The following SLC25A13 variants were observed in gnomAD, a reference collection of about 807,000 sequenced individuals.
The protein encoded by SLC25A13 is solute carrier family 25 member 13, also known as electrogenic aspartate/glutamate antiporter SLC25A13, mitochondrial.
Under a neutral mutation model 85.5 loss-of-function variants are expected in SLC25A13, and 70 were observed. That is an observed-to-expected ratio of 0.82 (90% confidence interval 0.68 to 1.00). The LOEUF is 1.00. SLC25A13 is among the 50% of genes least tolerant of loss of function. The pLI is 0.00. For synonymous variants in SLC25A13, 259 were observed against 288.7 expected (o/e 0.90, Z 1.04); for missense variants, 765 against 819.8 (o/e 0.93, Z 0.82).
intron 3 of SLC25A13, among the ~76,000 whole-genome samples, chr7:96,273,974 C>T (rs1798345437): frequency 6.6e-6 from 1 of 152,174 alleles, no homozygotes; most frequent in Non-Finnish European, 1.5e-5. Context: ...TTTTCCTGCA[C>T]CACCCTGCTC....
At chr7:96,287,996 C>G (rs1032545531) in intron 2 of SLC25A13, among the ~76,000 whole-genome samples, 4 of 152,224 alleles carry the variant, frequency 2.6e-5, no homozygotes, top group South Asian at 2.1e-4. Flanking sequence ...AAGACCTTCT[C>G]TGGTTCTCTC....
At chr7:96,278,460 A>G (rs1449955515) in intron 2 of SLC25A13, among the ~76,000 whole-genome samples, 2 of 152,234 alleles carry the variant, frequency 1.3e-5, no homozygotes, top group East Asian at 1.9e-4. Context: ...CTTTGCTCAG[A>G]TACTCAGTAG....
intron 11 of SLC25A13, among the ~76,000 whole-genome samples, chr7:96,182,315 T>C (rs1794447757): frequency 6.6e-6 from 1 of 152,242 alleles, no homozygotes; most frequent in African/African-American, 2.4e-5. Context: ...TGTTTTAAAA[T>C]GGTTTACCAG....
At chr7:96,316,561 T>C (rs1441500176) in intron 1 of SLC25A13, among the ~76,000 whole-genome samples, 1 of 152,144 alleles carries the variant, frequency 6.6e-6, no homozygotes, top group Non-Finnish European at 1.5e-5. Flanking sequence ...TGAAGACACA[T>C]TGGCAAGGTT....
chr7:96,192,888 C>G, intron 6 of SLC25A13, 149 bp downstream of exon 6: 1 of 875,812 alleles, frequency 1.1e-6, no homozygotes, highest in Admixed American at 2.3e-5. Context: ...CCAAAACACA[C>G]TCTTTGTTTG....
intron 5 of SLC25A13, among the ~76,000 whole-genome samples, chr7:96,202,620 G>C (rs6465490): frequency 6.6e-6 from 1 of 152,156 alleles, no homozygotes; most frequent in Admixed American, 6.5e-5. Context: ...ATTTCCTGGC[G>C]ACATAAAGTG....
chr7:96,318,071 G>T (rs1290715423), intron 1 of SLC25A13, among the ~76,000 whole-genome samples: 1 of 152,104 alleles, frequency 6.6e-6, no homozygotes, highest in Non-Finnish European at 1.5e-5. Flanking sequence ...ATCCAAGAAT[G>T]AAAAGTCAAT....
At chr7:96,298,211 T>C (rs1363728923) in intron 1 of SLC25A13, among the ~76,000 whole-genome samples, 1 of 152,170 alleles carries the variant, frequency 6.6e-6, no homozygotes, top group Admixed American at 6.5e-5. Context: ...TGAAGGCTGT[T>C]CTGAGATCTT....
intron 2 of SLC25A13, among the ~76,000 whole-genome samples, chr7:96,290,570 G>A (rs1285263248): frequency 7.4e-5 from 11 of 149,408 alleles, no homozygotes; most frequent in Non-Finnish European, 1.6e-4. Flanking sequence ...AAAATAAAGG[G>A]ATGGAGGAAG....
intron 11 of SLC25A13, among the ~76,000 whole-genome samples, chr7:96,177,889 T>C (rs1237749463): frequency 6.6e-6 from 1 of 152,156 alleles, no homozygotes; most frequent in Non-Finnish European, 1.5e-5. Context: ...TTCTCTGCGG[T>C]ACCAGTTTTC....
chr7:96,185,562 C>T (rs1304416768), intron 9 of SLC25A13, among the ~76,000 whole-genome samples: 1 of 151,860 alleles, frequency 6.6e-6, no homozygotes, highest in Non-Finnish European at 1.5e-5. Context: ...CGCCACTGCA[C>T]TTCAGCCTCG....
chr7:96,232,434 G>A (rs1483439105), intron 4 of SLC25A13, among the ~76,000 whole-genome samples: 3 of 152,028 alleles, frequency 2.0e-5, no homozygotes, highest in African/African-American at 4.8e-5. Context: ...CGGCCTACCA[G>A]AGGGTGGAGG....
intron 13 of SLC25A13, among the ~76,000 whole-genome samples, chr7:96,159,073 C>T (rs1246027856): frequency 3.3e-5 from 5 of 152,252 alleles, no homozygotes; most frequent in East Asian, 1.9e-4. Context: ...GTGCTGAAGA[C>T]GGCATTCAGC....
At chr7:96,277,727 A>G (rs1412973732) in intron 2 of SLC25A13, among the ~76,000 whole-genome samples, 1 of 152,128 alleles carries the variant, frequency 6.6e-6, no homozygotes, top group Non-Finnish European at 1.5e-5. Flanking sequence ...GTCCAGGTTC[A>G]GAAACCCTGG....
intron 2 of SLC25A13, among the ~76,000 whole-genome samples, chr7:96,294,480 A>G (rs1204543306): frequency 1.3e-5 from 2 of 152,066 alleles, no homozygotes; most frequent in Non-Finnish European, 2.9e-5. Context: ...GTGGTGGTAC[A>G]TGCCTATAAT....
intron 11 of SLC25A13, 75 bp from the exon 12 acceptor site, chr7:96,171,599 G>T: frequency 1.5e-6 from 2 of 1,301,898 alleles, no homozygotes; most frequent in African/African-American, 2.9e-5. Flanking sequence ...TCTACAGAGG[G>T]GATTACCACT....
intron 1 of SLC25A13, among the ~76,000 whole-genome samples, chr7:96,302,907 A>C (rs1041168815): frequency 2.0e-5 from 3 of 152,324 alleles, no homozygotes; most frequent in Non-Finnish European, 4.4e-5. Flanking sequence ...GATGCAGTTA[A>C]AGTTTAAGAA....
chr7:96,150,815 C>T (rs1793006719), intron 13 of SLC25A13, among the ~76,000 whole-genome samples: 1 of 152,028 alleles, frequency 6.6e-6, no homozygotes, highest in Non-Finnish European at 1.5e-5. Context: ...TTTAAGCCAC[C>T]TAGTTTGTGG....
chr7:96,168,098 G>GGAAAAAAAAAAAAAAAAAAAA (rs1793836839), intron 13 of SLC25A13, among the ~76,000 whole-genome samples: 1 of 19,694 alleles, frequency 5.1e-5, no homozygotes, highest in Non-Finnish European at 1.3e-4. Flanking sequence ...AACTCTGTCT[G>GGAAAAAAAAAAAAAAAAAAAA]AAAAAAAAAA....
Sources: gnomAD v4.1 joint callset for allele counts (sites outside exome capture counted in the v4.1 genomes callset) on GRCh38, gnomAD v4.1.1 for gene constraint, MANE v1.5 for transcripts, NCBI Gene and HGNC (gene_info 2026-07-23, HGNC 2026-07-21) for gene names.